Variants in TCF7L2 observed in about 807,000 individuals in gnomAD.
TCF7L2 encodes transcription factor 7-like 2.
In TCF7L2, 23 loss-of-function variants were observed where a neutral mutation model predicts 77.9. The ratio of observed to expected loss-of-function variants is 0.30; its 90% confidence interval spans 0.21 to 0.42. TCF7L2 has a LOEUF of 0.42. Ranked by LOEUF, TCF7L2 falls within the 10% of genes least tolerant of loss-of-function variation. The pLI is 1.00. For synonymous variants in TCF7L2, 413 were observed against 340.2 expected (o/e 1.21, Z -2.36); for missense variants, 654 against 793.1 (o/e 0.82, Z 2.11).
rs34087825 is a variant in TCF7L2, at chr10:113,063,893, CGTGTGTGT to C, written c.552+23790_552+23797del. Among the ~76,000 whole-genome samples the C allele has an allele frequency of 1.9e-4, 28 of 147,158 alleles. 1 individual carries two copies. The Middle Eastern group carries it at 0.01, about 54-fold the overall frequency. ...TATGTGTGTGTGCACATGGATGTGG[CGTGTGTGT>C]GTGTGTGTGTGTGTGTGTGTGTTTC... On this transcript the variant is annotated intron_variant, in intron 5 of 13. Transcript: ENST00000627217.
chr10:113,132,524 G>A (rs1024163355), intron 5 of TCF7L2, among the ~76,000 whole-genome samples: 6 of 152,042 alleles, frequency 3.9e-5, no homozygotes, highest in African/African-American at 1.5e-4. Context: ...CCTAGATTTG[G>A]GGTTGTTGTA....
chr10:113,146,133 A>G (rs2069344071), intron 8 of TCF7L2, 36 bp downstream of exon 8: 1 of 1,589,252 alleles, frequency 6.3e-7, no homozygotes, highest in Non-Finnish European at 8.6e-7. Flanking sequence ...ATCCAAGGCC[A>G]TGTGTGACTT....
At chr10:113,011,460 T>A (rs1333360696) in intron 4 of TCF7L2, among the ~76,000 whole-genome samples, 1 of 152,198 alleles carries the variant, frequency 6.6e-6, no homozygotes, top group Non-Finnish European at 1.5e-5. Flanking sequence ...GATTCTGATA[T>A]CAGTTGGCTT....
intron 5 of TCF7L2, among the ~76,000 whole-genome samples, chr10:113,112,507 C>T (rs1157725598): frequency 6.6e-6 from 1 of 152,226 alleles, no homozygotes; most frequent in East Asian, 1.9e-4. Context: ...CCTGTAGCAG[C>T]TTGGGGCTTG....
chr10:113,104,852 T>C (rs1368279575), intron 5 of TCF7L2, among the ~76,000 whole-genome samples: 1 of 152,156 alleles, frequency 6.6e-6, no homozygotes, highest in Non-Finnish European at 1.5e-5. Flanking sequence ...TCCCATTAGC[T>C]TGGTACATGA....
chr10:113,133,899 C>T (rs575448751), intron 5 of TCF7L2, among the ~76,000 whole-genome samples: 7 of 152,238 alleles, frequency 4.6e-5, no homozygotes, highest in South Asian at 4.1e-4. Context: ...CTGCAGCCTG[C>T]GGGGGTAGGT....
intron 11 of TCF7L2, among the ~76,000 whole-genome samples, chr10:113,154,008 G>A (rs373942543): frequency 2.0e-5 from 3 of 152,246 alleles, no homozygotes; most frequent in Admixed American, 6.5e-5. Flanking sequence ...CCTCCTGGGA[G>A]TTGAATCAGG....
At chr10:113,107,686 CGAGCTTGCAGT>C (rs367987001) in intron 5 of TCF7L2, among the ~76,000 whole-genome samples, 4,585 of 138,046 alleles carry the variant, frequency 0.033, 85 homozygotes, top group Middle Eastern at 0.12. Flanking sequence ...GAGCTTACAG[CGAGCTTGCAGT>C]GAGCCGAGAT....
chr10:113,121,803 G>C (rs1011232555), intron 5 of TCF7L2, among the ~76,000 whole-genome samples: 2 of 151,052 alleles, frequency 1.3e-5, no homozygotes, highest in African/African-American at 4.9e-5. Flanking sequence ...CACAAATGAA[G>C]GCAAGTATTT....
At chr10:113,131,907 G>A (rs949964813) in intron 5 of TCF7L2, 1 of 152,136 alleles carries the variant, frequency 6.6e-6, no homozygotes, top group Admixed American at 6.5e-5. Flanking sequence ...TCACTCCCTC[G>A]TTACCTTAAA....
At chr10:113,144,096 G>T (rs891236629) in intron 7 of TCF7L2, 71 bp downstream of exon 7, 2 of 877,588 alleles carry the variant, frequency 2.3e-6, no homozygotes, top group East Asian at 4.5e-5. Flanking sequence ...TTCTGTGTGT[G>T]TGTCTGTGTG....
At position 113,151,385 on chromosome 10, in the gene TCF7L2, T is replaced by C. The variant is rs2070726664; in HGVS notation, c.1001+262T>C. On this transcript the variant is annotated intron_variant, in intron 9 of 13. Coordinates refer to ENST00000627217, the MANE Select transcript of TCF7L2 (RefSeq NM_001146274.2). The surrounding 1 kb of genome is among the most constrained non-coding windows in gnomAD (Gnocchi z 5.2). The stretch of plus-strand genomic sequence containing the variant: ...ACACTGGGATTTGCAACCACTTCCC[T>C]GCCCCCTAACCGCATCATTGAACAT... Among the ~76,000 whole-genome samples the C allele has an allele frequency of 6.6e-6, 1 of 152,180 alleles. No individual in the cohort carries two copies. Among genetic ancestry groups the C allele is most frequent in the Admixed American group, 6.6e-5 (1 of 15,258 alleles).
At chr10:112,996,490 A>C (rs2043509085) in intron 4 of TCF7L2, among the ~76,000 whole-genome samples, 1 of 152,170 alleles carries the variant, frequency 6.6e-6, no homozygotes, top group Non-Finnish European at 1.5e-5. Context: ...AGATGGTTGC[A>C]CTCTCAAACC....
chr10:113,058,876 C>T (rs151336236), intron 5 of TCF7L2, among the ~76,000 whole-genome samples: 7 of 152,192 alleles, frequency 4.6e-5, no homozygotes, highest in Non-Finnish European at 8.8e-5. Context: ...TCTTGCATTC[C>T]GTAGCTGCTG....
chr10:112,988,157 A>G (rs1436134182), intron 4 of TCF7L2, among the ~76,000 whole-genome samples: 1 of 151,546 alleles, frequency 6.6e-6, no homozygotes, highest in Non-Finnish European at 1.5e-5. Context: ...GCTGGAGTAC[A>G]GTGGCTCTCA....
chr10:113,158,836 C>A, intron 12 of TCF7L2, 119 bp downstream of exon 13: 1 of 1,006,658 alleles, frequency 9.9e-7, no homozygotes, highest in Non-Finnish European at 1.4e-6. Context: ...TTAAAATGAC[C>A]ATCAACACGG....
At chr10:112,982,691 G>A (rs951227465) in intron 4 of TCF7L2, among the ~76,000 whole-genome samples, 15 of 152,124 alleles carry the variant, frequency 9.9e-5, no homozygotes, top group African/African-American at 3.4e-4. Context: ...TGCGATCTTG[G>A]CTCATTGCAG....
intron 2 of TCF7L2, 39 bp downstream of exon 2, chr10:112,951,312 GC>G (rs1162034133): frequency 3.4e-5 from 35 of 1,042,220 alleles, no homozygotes; most frequent in East Asian, 1.7e-4. Context: ...GCCCGGAGCC[GC>G]CCCCCGGGCC....
chr10:113,037,287 C>T (rs1341107341), intron 4 of TCF7L2, among the ~76,000 whole-genome samples: 1 of 152,042 alleles, frequency 6.6e-6, no homozygotes, highest in East Asian at 1.9e-4. Context: ...TTGTGTGTAC[C>T]CAGCGGTTCT....
Sources: allele counts gnomAD v4.1 joint callset (sites outside exome capture counted in the v4.1 genomes callset), GRCh38; gene constraint gnomAD v4.1.1; non-coding constraint Gnocchi (gnomAD v3.1); transcripts MANE v1.5; gene names NCBI Gene and HGNC (gene_info 2026-07-23, HGNC 2026-07-21).